ZBTB20: variants seen among roughly 807,000 people sequenced by gnomAD.
ZBTB20 encodes the protein zinc finger and BTB domain containing 20.
Under a neutral mutation model 56.9 loss-of-function variants are expected in ZBTB20, and 9 were observed. The ratio of observed to expected loss-of-function variants is 0.16; its 90% CI spans 0.10 to 0.28. The LOEUF (loss-of-function observed/expected upper bound fraction) is 0.28. ZBTB20 is among the 10% of genes least tolerant of loss of function. The pLI, the probability that ZBTB20 is intolerant of heterozygous loss-of-function variation, is 1.00. For synonymous variants in ZBTB20, 417 were observed against 420.7 expected (o/e 0.99, Z 0.11); for missense variants, 655 against 1,003.0 (o/e 0.65, Z 4.69).
At chr3:115,025,333 T>C (rs973222734) in intron 2 of ZBTB20, among the ~76,000 whole-genome samples, 22 of 151,384 alleles carry the variant, frequency 1.5e-4, no homozygotes. Context: ...TACATTTTCT[T>C]TAACCAGTCT....
At chr3:114,536,733 C>T (rs1027429728) in intron 6 of ZBTB20, among the ~76,000 whole-genome samples, 19 of 152,148 alleles carry the variant, frequency 1.2e-4, no homozygotes, top group African/African-American at 3.6e-4. Context: ...TACCTGACTT[C>T]AAACTATGCT....
At chr3:114,996,411 T>C (rs754739656) in intron 2 of ZBTB20, among the ~76,000 whole-genome samples, 1 of 151,414 alleles carries the variant, frequency 6.6e-6, no homozygotes, top group Admixed American at 6.6e-5. Context: ...CCTGTGTCCA[T>C]GTGTTCTCAT....
intron 5 of ZBTB20, among the ~76,000 whole-genome samples, chr3:114,743,073 G>A (rs1422350248): frequency 1.3e-5 from 2 of 152,046 alleles, no homozygotes; most frequent in East Asian, 3.8e-4. Context: ...TTTTTACAAA[G>A]CATTGTCACA....
chr3:115,090,995 G>A (rs2083170343), intron 1 of ZBTB20, among the ~76,000 whole-genome samples: 1 of 151,882 alleles, frequency 6.6e-6, no homozygotes, highest in South Asian at 2.1e-4. Flanking sequence ...ACTGCAAGTA[G>A]TCCATAGTCC....
intron 4 of ZBTB20, among the ~76,000 whole-genome samples, chr3:114,896,446 A>G (rs137934895): frequency 3.6e-3 from 543 of 152,278 alleles, no homozygotes; most frequent in Non-Finnish European, 5.4e-3. Context: ...GACATGTACT[A>G]CCACATGGAT....
At chr3:114,995,412 CCATTCTAAATCCCAGGA>C (rs2078984961) in intron 2 of ZBTB20, among the ~76,000 whole-genome samples, 1 of 151,818 alleles carries the variant, frequency 6.6e-6, no homozygotes, top group Non-Finnish European at 1.5e-5. Flanking sequence ...TTTTAGCATG[CCATTCTAAATCCCAGGA>C]CATCTGGTTA....
At chr3:115,002,280 T>TA (rs533256139) in intron 2 of ZBTB20, among the ~76,000 whole-genome samples, 89 of 151,604 alleles carry the variant, frequency 5.9e-4, no homozygotes, top group African/African-American at 2.0e-3. Flanking sequence ...TTTTAGAAGA[T>TA]AAATAGGAGA....
chr3:114,916,268 C>T (rs544478582), intron 3 of ZBTB20, among the ~76,000 whole-genome samples: 1 of 151,962 alleles, frequency 6.6e-6, no homozygotes, highest in African/African-American at 2.4e-5. Context: ...GTTGTTATAT[C>T]CTCTTGCTAA....
chr3:114,528,805 T>C (rs376644074), intron 6 of ZBTB20: 5 of 152,242 alleles, frequency 3.3e-5, no homozygotes, highest in African/African-American at 1.2e-4. Context: ...AGTAAGTAAA[T>C]TGCTACGTAT....
chr3:114,405,671 A>G (rs576577735), intron 7 of ZBTB20, among the ~76,000 whole-genome samples: 1 of 152,270 alleles, frequency 6.6e-6, no homozygotes, highest in East Asian at 1.9e-4. Flanking sequence ...TGGTAAACAT[A>G]ATTAGCCCAT....
At chr3:114,401,095 C>CACACAT (rs1269003689) in intron 7 of ZBTB20, among the ~76,000 whole-genome samples, 1 of 151,358 alleles carries the variant, frequency 6.6e-6, no homozygotes, top group Admixed American at 6.6e-5. Flanking sequence ...CACACACACA[C>CACACAT]ACACACACAC....
rs374733918 is a variant in ZBTB20, at chr3:114,980,409, T to C, written c.-506-5993A>G. On this transcript the variant is annotated intron_variant, in intron 2 of 11. Transcript: ENST00000675478. ...TTTCTAAGGGTCCATAAAACAATTA[T>C]TTAAAAATCTATTTAGCCATTTTAG... 1.3e-4 allele frequency among the ~76,000 whole-genome samples: 20 copies of C among 152,078 alleles called. No individual in the cohort carries two copies. In the South Asian group the frequency reaches 2.3e-3, roughly 17 times the overall value.
chr3:114,667,741 A>T (rs1324867628), intron 6 of ZBTB20, among the ~76,000 whole-genome samples: 1 of 152,084 alleles, frequency 6.6e-6, no homozygotes, highest in African/African-American at 2.4e-5. Context: ...AGGATATGGC[A>T]TAAGAGTGTT....
chr3:114,709,173 C>T (rs1308186462), intron 5 of ZBTB20, among the ~76,000 whole-genome samples: 4 of 152,162 alleles, frequency 2.6e-5, no homozygotes, highest in Admixed American at 2.6e-4. Context: ...CTCTTTAAGT[C>T]CTATATTTTG....
chr3:114,639,100 C>G (rs1272615533), intron 6 of ZBTB20, among the ~76,000 whole-genome samples: 1 of 152,058 alleles, frequency 6.6e-6, no homozygotes, highest in Non-Finnish European at 1.5e-5. Context: ...GAACCCATGA[C>G]TTAGGAAACT....
Position 114,334,539 on chromosome 3 carries a change from T to C in ZBTB20, c.*4466A>G, listed in dbSNP as rs903599844. The C allele has an allele frequency of 2.0e-5, 3 of 152,222 alleles. No individual in the cohort carries two copies. Among genetic ancestry groups the C allele is most frequent in the South Asian group, 2.1e-4 (1 of 4,828 alleles). The allele number at this position is 152,222 out of a possible 1,614,324, so 9.4% of individuals were successfully genotyped here. On this transcript the variant is annotated 3_prime_UTR_variant, in exon 12 of 12. Transcript: ENST00000675478. ...CAAACATACCTGGAGGAAAACTTTT[T>C]TCATTATCAGAATTCACAAATTCTT...
intron 3 of ZBTB20, among the ~76,000 whole-genome samples, chr3:114,938,048 G>A (rs2076603930): frequency 2.0e-5 from 3 of 151,952 alleles, no homozygotes; most frequent in Admixed American, 2.0e-4. Context: ...AACCCAGGAG[G>A]CGGAGCTTGC....
chr3:114,345,266 G>T (rs2080099337), intron 11 of ZBTB20, among the ~76,000 whole-genome samples: 1 of 152,186 alleles, frequency 6.6e-6, no homozygotes, highest in African/African-American at 2.4e-5. Flanking sequence ...ATATACGTGT[G>T]TGAAATGTAT....
At chr3:114,550,601 C>T (rs986200370) in intron 6 of ZBTB20, among the ~76,000 whole-genome samples, 2 of 152,092 alleles carry the variant, frequency 1.3e-5, no homozygotes, top group Non-Finnish European at 2.9e-5. Context: ...GGGGGGTTGT[C>T]TTTAAAGATT....
Sources: allele counts gnomAD v4.1 joint callset (sites outside exome capture counted in the v4.1 genomes callset), GRCh38; gene constraint gnomAD v4.1.1; transcripts MANE v1.5; gene names NCBI Gene and HGNC (gene_info 2026-07-23, HGNC 2026-07-21).